Variants in NALCN observed in about 807,000 individuals in gnomAD.
The protein encoded by NALCN is sodium leak channel NALCN.
A neutral mutation model predicts 225.3 loss-of-function variants in NALCN; 111 were observed. That is an observed-to-expected ratio of 0.49 (90% CI 0.42 to 0.58). The LOEUF is 0.58. NALCN is among the 20% of genes least tolerant of loss of function. The pLI is 0.00. For missense variants in NALCN, 1,378 were observed against 2,202.4 expected (o/e 0.63, Z 7.49); for synonymous variants, 764 against 769.0 (o/e 0.99, Z 0.11).
At chr13:101,139,379 G>A (rs1159168786) in intron 17 of NALCN, among the ~76,000 whole-genome samples, 6 of 152,142 alleles carry the variant, frequency 3.9e-5, no homozygotes, top group Non-Finnish European at 8.8e-5. Flanking sequence ...GGCACCTGGG[G>A]CTTCACTATT....
At chr13:101,191,132 A>G (rs17622020) in intron 14 of NALCN, among the ~76,000 whole-genome samples, 40,604 of 152,052 alleles carry the variant, frequency 0.27, 5,847 homozygotes, top group African/African-American at 0.37. Context: ...TATTTCTTGT[A>G]TTCCTGATAA....
At chr13:101,383,393 T>G (rs2046902001) in intron 3 of NALCN, among the ~76,000 whole-genome samples, 1 of 152,086 alleles carries the variant, frequency 6.6e-6, no homozygotes. Context: ...ACGTATTCTC[T>G]GGAGTTACAT....
At chr13:101,346,743 A>T (rs1227324023) in intron 6 of NALCN, among the ~76,000 whole-genome samples, 1 of 152,158 alleles carries the variant, frequency 6.6e-6, no homozygotes, top group Non-Finnish European at 1.5e-5. Flanking sequence ...ATAACATAGG[A>T]CTGCTGACTG....
intron 10 of NALCN, among the ~76,000 whole-genome samples, chr13:101,268,107 A>AG (rs1340185002): frequency 2.0e-5 from 3 of 152,290 alleles, no homozygotes; most frequent in African/African-American, 7.2e-5. Flanking sequence ...CTTTGGATGG[A>AG]GGCATCAAAA....
chr13:101,120,883 T>C (rs2139684631), intron 18 of NALCN, among the ~76,000 whole-genome samples: 1 of 152,278 alleles, frequency 6.6e-6, no homozygotes, highest in African/African-American at 2.4e-5. Context: ...GCATCTTCAA[T>C]ACTCCTCAAC....
chr13:101,209,972 C>T (rs1046054783), intron 13 of NALCN, among the ~76,000 whole-genome samples: 3 of 152,042 alleles, frequency 2.0e-5, no homozygotes, highest in Non-Finnish European at 2.9e-5. Context: ...CCTTTTTCTC[C>T]GGAATTCTGA....
At chr13:101,141,793 T>C (rs117548327) in intron 17 of NALCN, among the ~76,000 whole-genome samples, 1,526 of 152,120 alleles carry the variant, frequency 0.01, 18 homozygotes, top group South Asian at 0.051. Context: ...ATGAAACAGT[T>C]GGCATTTTAT....
intron 18 of NALCN, among the ~76,000 whole-genome samples, chr13:101,112,072 T>C (rs2035470682): frequency 6.6e-6 from 1 of 151,412 alleles, no homozygotes; most frequent in Non-Finnish European, 1.5e-5. Context: ...AAATGAGTCA[T>C]AAAGAGAAGT....
chr13:101,402,571 G>A (rs2047505175), intron 1 of NALCN, among the ~76,000 whole-genome samples: 1 of 152,184 alleles, frequency 6.6e-6, no homozygotes. Context: ...CTTGGGTTCA[G>A]TATTAAAGTC....
chr13:101,398,137 T>G (rs767992827), intron 2 of NALCN, among the ~76,000 whole-genome samples: 2 of 152,184 alleles, frequency 1.3e-5, no homozygotes, highest in African/African-American at 2.4e-5. Context: ...TATTTTAATT[T>G]GCAATGAAGG....
chr13:101,110,685 T>A lies in NALCN; in HGVS notation c.2298A>T (p.Ser766=), dbSNP rs1265292631. The change falls in exon 20 of 44, where the codon TCA becomes TCT. Residue 766 remains serine, a synonymous_variant. Coordinates refer to ENST00000251127, the MANE Select transcript of NALCN (RefSeq NM_052867.4). The part of the protein sequence containing the change: ...VQHHIRQERR[S]LRHGSNSQRI... The stretch of plus-strand genomic sequence containing the variant: ...TCTGGCTGTTTGATCCATGTCTTAG[T>A]GACCTAAAACAACCACAGGCACTGG... The A allele has an allele frequency of 2.5e-6, 4 of 1,614,094 alleles. No homozygotes were observed. The highest frequency in any genetic ancestry group is 3.4e-6 in the Non-Finnish European group (4 of 1,179,954).
chr13:101,236,982 AT>A, intron 12 of NALCN, among the ~76,000 whole-genome samples: 1 of 151,234 alleles, frequency 6.6e-6, no homozygotes, highest in Admixed American at 6.6e-5. Context: ...TAAAAAATAA[AT>A]GACCAAGTTT....
intron 6 of NALCN, 142 bp downstream of exon 6, chr13:101,376,558 C>G (rs1009316960): frequency 9.8e-6 from 7 of 712,782 alleles, no homozygotes; most frequent in African/African-American, 7.6e-5. Flanking sequence ...TGGACAAAAA[C>G]AATACCGAGG....
At chr13:101,367,828 C>T (rs1207794014) in intron 6 of NALCN, among the ~76,000 whole-genome samples, 1 of 151,914 alleles carries the variant, frequency 6.6e-6, no homozygotes, top group Non-Finnish European at 1.5e-5. Flanking sequence ...TTTGGCAGTT[C>T]ATTATGGTCT....
At chr13:101,252,830 T>C (rs74117822) in intron 11 of NALCN, among the ~76,000 whole-genome samples, 3,259 of 152,218 alleles carry the variant, frequency 0.021, 100 homozygotes, top group African/African-American at 0.066. Context: ...TCTCTGTAGG[T>C]CCGTTGCCTT....
chr13:101,147,031 G>A lies in NALCN; in HGVS notation c.1840-2135C>T, dbSNP rs186693101. On this transcript the variant is annotated intron_variant, in intron 15 of 43. Coordinates refer to ENST00000251127, the MANE Select transcript of NALCN (RefSeq NM_052867.4). ...AAGAGTTGACTTGGGGGCTCTAGAT[G>A]TATCAGGACTGGTATGCATATTTTA... Among the ~76,000 whole-genome samples the A allele has an allele frequency of 1.3e-3, 194 of 152,254 alleles. 1 individual carries two copies. The highest frequency in any genetic ancestry group is 4.0e-3 in the African/African-American group (165 of 41,560).
At chr13:101,349,587 C>T (rs2139317117) in intron 6 of NALCN, among the ~76,000 whole-genome samples, 1 of 152,140 alleles carries the variant, frequency 6.6e-6, no homozygotes. Context: ...ACAGATGCAA[C>T]TCTGCTGGCT....
intron 16 of NALCN, among the ~76,000 whole-genome samples, chr13:101,143,650 G>A (rs1183799685): frequency 6.6e-6 from 1 of 152,112 alleles, no homozygotes; most frequent in Non-Finnish European, 1.5e-5. Flanking sequence ...TTTTACTAGA[G>A]ATGGGATTTC....
At chr13:101,149,941 C>T (rs2037553396) in intron 15 of NALCN, among the ~76,000 whole-genome samples, 1 of 152,252 alleles carries the variant, frequency 6.6e-6, no homozygotes, top group Admixed American at 6.5e-5. Flanking sequence ...TGCACACCCA[C>T]AAGGCACAAG....
Sources: allele counts gnomAD v4.1 joint callset (sites outside exome capture counted in the v4.1 genomes callset), GRCh38; gene constraint gnomAD v4.1.1; transcripts MANE v1.5; gene names NCBI Gene and HGNC (gene_info 2026-07-23, HGNC 2026-07-21).